The following EGFR variants were observed in gnomAD, a reference collection of about 807,000 sequenced individuals.
The protein encoded by EGFR is avian erythroblastic leukemia viral (v-erb-b) oncogene homolog.
Under a neutral mutation model 143.0 loss-of-function variants are expected in EGFR, and 58 were observed. That is an observed-to-expected ratio of 0.41 (90% CI 0.33 to 0.50). The LOEUF is 0.50. Among genes scored for constraint, EGFR ranks in the 20% least tolerant of loss-of-function variants. The pLI, the probability that EGFR is intolerant of heterozygous loss-of-function variation, is 0.39. For missense variants in EGFR, 1,307 were observed against 1,579.0 expected (o/e 0.83, Z 2.92); for synonymous variants, 613 against 594.4 (o/e 1.03, Z -0.45).
At chr7:55,069,258 G>GTT (rs1471170342) in intron 1 of EGFR, among the ~76,000 whole-genome samples, 1 of 152,266 alleles carries the variant, frequency 6.6e-6, no homozygotes, top group East Asian at 1.9e-4. Flanking sequence ...TTTTATCGAG[G>GTT]TGGCCCTTGA....
chr7:55,063,561 G>A (rs1245946068), intron 1 of EGFR, among the ~76,000 whole-genome samples: 4 of 152,134 alleles, frequency 2.6e-5, no homozygotes, highest in Non-Finnish European at 4.4e-5. Context: ...TGAGGTTCTC[G>A]CAAAGCATTT....
intron 1 of EGFR, among the ~76,000 whole-genome samples, chr7:55,116,008 GT>G (rs942757293): frequency 1.3e-5 from 2 of 152,296 alleles, no homozygotes; most frequent in African/African-American, 4.8e-5. Context: ...TACAGTGTTT[GT>G]TATCATCATA....
At chr7:55,042,887 G>A (rs1321399232) in intron 1 of EGFR, among the ~76,000 whole-genome samples, 1 of 152,128 alleles carries the variant, frequency 6.6e-6, no homozygotes, top group Non-Finnish European at 1.5e-5. Flanking sequence ...GGAGGTAGAA[G>A]CTATCTGTGA....
At chr7:55,081,062 T>G (rs2128889818) in intron 1 of EGFR, among the ~76,000 whole-genome samples, 1 of 152,348 alleles carries the variant, frequency 6.6e-6, no homozygotes, top group African/African-American at 2.4e-5. Context: ...GGATTTTAAG[T>G]GCTTCAAAAG....
intron 22 of EGFR, among the ~76,000 whole-genome samples, chr7:55,193,049 T>C (rs1317592503): frequency 6.6e-6 from 1 of 151,966 alleles, no homozygotes; most frequent in Non-Finnish European, 1.5e-5. Context: ...TCACTGGAGA[T>C]TGCAATGAGC....
rs1247204001 is a variant in EGFR, at chr7:55,143,417, C to G, written c.353C>G (p.Ala118Gly). ...AATATGTACTACGAAAATTCCTATG[C>G]CTTAGCAGTCTTATCTAACTATGAT... The part of the protein sequence containing the change: ...RGNMYYENSY[A>G]LAVLSNYDAN... Residue 118 changes from alanine (A) to glycine (G), a missense_variant, in exon 3 of 28, where the codon GCC becomes GGC. This residue lies in a region of EGFR where 311 missense variants were observed against 412.3 expected (regional missense o/e 0.75). Coordinates refer to ENST00000275493, the MANE Select transcript of EGFR (RefSeq NM_005228.5). 6.2e-7 allele frequency: 1 copy of G among 1,614,180 alleles called. No homozygotes were observed. Among genetic ancestry groups the G allele is most frequent in the East Asian group, 2.2e-5 (1 of 44,890 alleles).
intron 1 of EGFR, among the ~76,000 whole-genome samples, chr7:55,117,951 C>A (rs530217394): frequency 1.3e-5 from 2 of 152,080 alleles, no homozygotes; most frequent in Non-Finnish European, 2.9e-5. Flanking sequence ...GAACTGGGCC[C>A]CCAGAAAAGG....
Position 55,208,557 on chromosome 7 carries a change from CTAAGGAGCTCCTCTAAT to C in EGFR, c.*2943_*2959del, listed in dbSNP as rs992362668. On this transcript the variant is annotated 3_prime_UTR_variant, in exon 28 of 28. Coordinates refer to ENST00000275493, the MANE Select transcript of EGFR (RefSeq NM_005228.5). ...CTTCGTGCATCTTCTTGCATCATCT[CTAAGGAGCTCCTCTAAT>C]TACACCATGCCCGTCACCCCATGAG... 1 of 152,208 alleles carries C rather than the reference CTAAGGAGCTCCTCTAAT, an allele frequency of 6.6e-6. No individual in the cohort carries two copies. The highest frequency in any genetic ancestry group is 2.4e-5 in the African/African-American group (1 of 41,438). 9.4% of individuals were successfully genotyped at this position (152,208 alleles called of 1,614,324 possible).
chr7:55,041,559 G>A (rs544703084), intron 1 of EGFR, among the ~76,000 whole-genome samples: 9 of 152,280 alleles, frequency 5.9e-5, no homozygotes, highest in South Asian at 2.1e-4. Flanking sequence ...TGTAGGCACC[G>A]TTGCATTCAA....
At chr7:55,198,685 C>T (rs1787721443) in intron 22 of EGFR, 32 bp from the exon 23 acceptor site, 1 of 1,614,024 alleles carries the variant, frequency 6.2e-7, no homozygotes, top group Non-Finnish European at 8.5e-7. Flanking sequence ...TTCATGATCC[C>T]ACTGCCTTCT....
At chr7:55,109,915 G>T (rs77018704) in intron 1 of EGFR, 1 of 985,366 alleles carries the variant, frequency 1.0e-6, no homozygotes, top group African/African-American at 1.7e-5. Flanking sequence ...GGTTCCCTCC[G>T]GCAGGCGACC....
chr7:55,166,142 ACT>A (rs1254431474), intron 15 of EGFR, among the ~76,000 whole-genome samples: 1 of 152,010 alleles, frequency 6.6e-6, no homozygotes, highest in African/African-American at 2.4e-5. Flanking sequence ...CAAGAGCGAA[ACT>A]CTGTCGCAAA....
intron 1 of EGFR, among the ~76,000 whole-genome samples, chr7:55,029,645 C>T (rs1226870552): frequency 6.6e-6 from 1 of 152,166 alleles, no homozygotes; most frequent in South Asian, 2.1e-4. Context: ...TACAAGTATG[C>T]ATACACATGT....
chr7:55,127,462 A>ACCCCC (rs1410942260), intron 1 of EGFR, among the ~76,000 whole-genome samples: 1 of 115,674 alleles, frequency 8.6e-6, no homozygotes, highest in African/African-American at 3.3e-5. Context: ...CCACCCCCTC[A>ACCCCC]CCCCCCACCA....
At chr7:55,056,750 A>G (rs1788848301) in intron 1 of EGFR, among the ~76,000 whole-genome samples, 1 of 152,262 alleles carries the variant, frequency 6.6e-6, no homozygotes, top group South Asian at 2.1e-4. Context: ...CAGTTGCGTA[A>G]GTGTGAAAAA....
rs970791989 is a variant in EGFR at position 55,099,818 on chromosome 7, G to T, written c.89-42468G>T. On this transcript the variant is annotated intron_variant, in intron 1 of 27. Transcript: ENST00000275493. ...CTTTTGCCAACCTCTGTGAACAGAT[G>T]TGCAATTAAAAAAAAAAAAAGAAAG... Among the ~76,000 whole-genome samples the T allele has an allele frequency of 6.0e-5, 9 of 150,894 alleles. No individual in the cohort carries two copies. The South Asian group carries it at 1.0e-3, about 18-fold the overall frequency.
At chr7:55,188,350 C>T (rs1171065677) in intron 20 of EGFR, among the ~76,000 whole-genome samples, 1 of 152,058 alleles carries the variant, frequency 6.6e-6, no homozygotes, top group East Asian at 1.9e-4. Context: ...CCTGGGAACA[C>T]CCAGCCCTTC....
chr7:55,068,402 A>G (rs1158533747), intron 1 of EGFR, among the ~76,000 whole-genome samples: 1 of 152,156 alleles, frequency 6.6e-6, no homozygotes, highest in East Asian at 1.9e-4. Flanking sequence ...TCTTGAGTTT[A>G]CTTGGACGTA....
chr7:55,050,259 C>G (rs1298616512), intron 1 of EGFR, among the ~76,000 whole-genome samples: 1 of 152,266 alleles, frequency 6.6e-6, no homozygotes, highest in South Asian at 2.1e-4. Flanking sequence ...CCTCCGTTCC[C>G]CCAGCCCCTG....
Sources: allele counts gnomAD v4.1 joint callset (sites outside exome capture counted in the v4.1 genomes callset), GRCh38; gene constraint gnomAD v4.1.1; regional missense constraint gnomAD v4.1.1; transcripts MANE v1.5; gene names NCBI Gene and HGNC (gene_info 2026-07-23, HGNC 2026-07-21).